MGMT: variants seen among roughly 807,000 people sequenced by gnomAD.
MGMT encodes the protein O-6-methylguanine-DNA methyltransferase.
MGMT carries 14 observed loss-of-function variants against 15.9 expected under a neutral mutation model. The ratio of observed to expected loss-of-function variants is 0.88; its 90% confidence interval spans 0.58 to 1.37. MGMT has a LOEUF of 1.37. Ranked by LOEUF, MGMT falls within the 40% of genes most tolerant of loss-of-function variation. MGMT has a pLI of 0.00. For synonymous variants in MGMT, 130 were observed against 118.2 expected (o/e 1.10, Z -0.65); for missense variants, 282 against 268.1 (o/e 1.05, Z -0.36).
rs545041782 is a variant in MGMT at position 129,470,914 on chromosome 10, C to A, written c.-13+3618C>A. Among the ~76,000 whole-genome samples, 3 of 152,268 alleles carry A rather than the reference C, an allele frequency of 2.0e-5. No homozygotes were observed. The South Asian group carries it at 6.2e-4, about 32-fold the overall frequency. ...GTTAAATTAGTCATAGTGTGTGTAA[C>A]CATGAAAGGAATGGTGAGAGTGCAA... is the stretch of plus-strand genomic sequence containing the variant. On this transcript the variant is annotated intron_variant, in intron 1 of 4. Coordinates refer to ENST00000651593, the MANE Select transcript of MGMT (RefSeq NM_002412.5).
chr10:129,642,227 G>C lies in MGMT; in HGVS notation c.126-65668G>C, dbSNP rs532102340. 2.5e-4 allele frequency among the ~76,000 whole-genome samples: 38 copies of C among 152,258 alleles called. No individual in the cohort carries two copies. In the South Asian group the frequency reaches 2.7e-3, roughly 11 times the overall value. ...CCCGCACCTGGGCGGGCGGGCGGGC[G>C]TAGGGGGCATAAATGGCTTATCCCT... On this transcript the variant is annotated intron_variant, in intron 2 of 4. Transcript: ENST00000651593.
chr10:129,501,639 CTG>C (rs1845575571), intron 1 of MGMT, among the ~76,000 whole-genome samples: 1 of 152,308 alleles, frequency 6.6e-6, no homozygotes, highest in East Asian at 1.9e-4. Flanking sequence ...AGATAAGCAA[CTG>C]TGGGTTTTCT....
At chr10:129,513,624 A>G (rs533721871) in intron 1 of MGMT, among the ~76,000 whole-genome samples, 46 of 152,268 alleles carry the variant, frequency 3.0e-4, no homozygotes, top group African/African-American at 1.1e-3. Flanking sequence ...GGGACCACCA[A>G]GGCAGTTCTT....
intron 2 of MGMT, among the ~76,000 whole-genome samples, chr10:129,541,137 T>A (rs577400003): frequency 6.6e-6 from 1 of 152,354 alleles, no homozygotes; most frequent in African/African-American, 2.4e-5. Flanking sequence ...TGATTCCCGC[T>A]CCCCAGGTGA....
chr10:129,478,919 A>G (rs1342021690), intron 1 of MGMT, among the ~76,000 whole-genome samples: 1 of 99,462 alleles, frequency 1.0e-5, no homozygotes, highest in East Asian at 3.7e-4. Flanking sequence ...CCATAGTGAG[A>G]ATCTCTAAGA....
intron 1 of MGMT, among the ~76,000 whole-genome samples, chr10:129,518,372 AC>A (rs113628843): frequency 1.4e-5 from 2 of 143,236 alleles, no homozygotes; most frequent in African/African-American, 5.3e-5. Flanking sequence ...ACACACACAC[AC>A]ATTTGGCCCT....
At chr10:129,716,240 T>C (rs1469418912) in intron 3 of MGMT, among the ~76,000 whole-genome samples, 1 of 152,202 alleles carries the variant, frequency 6.6e-6, no homozygotes, top group African/African-American at 2.4e-5. Context: ...GGTTAGGTAT[T>C]GGTAACGCCC....
intron 1 of MGMT, among the ~76,000 whole-genome samples, chr10:129,519,102 G>A (rs1218880850): frequency 6.6e-6 from 1 of 152,158 alleles, no homozygotes; most frequent in Non-Finnish European, 1.5e-5. Context: ...TATAAATTAT[G>A]TTTTATCTGT....
At chr10:129,683,184 A>T (rs1468987449) in intron 2 of MGMT, among the ~76,000 whole-genome samples, 1 of 152,216 alleles carries the variant, frequency 6.6e-6, no homozygotes, top group Non-Finnish European at 1.5e-5. Context: ...TGGACAAGAG[A>T]GCAGGGAATG....
In MGMT at chr10:129,742,025, G is replaced by A. The variant is rs192992299; in HGVS notation, c.275-17177G>A. On this transcript the variant is annotated intron_variant, in intron 3 of 4. Transcript: ENST00000651593. Reference sequence around the variant, plus strand: ...GAGGGGCTCTGGGGAGACTTTGGGGGAAGGATAATGATTGGGGAAGTAGAA... The same window carrying A: ...GAGGGGCTCTGGGGAGACTTTGGGGAAAGGATAATGATTGGGGAAGTAGAA... Among the ~76,000 whole-genome samples the A allele has an allele frequency of 8.5e-5, 13 of 152,328 alleles. No individual in the cohort carries two copies. In the East Asian group the frequency reaches 1.7e-3, roughly 20 times the overall value.
At chr10:129,512,000 C>T (rs1845689299) in intron 1 of MGMT, among the ~76,000 whole-genome samples, 1 of 152,222 alleles carries the variant, frequency 6.6e-6, no homozygotes, top group Non-Finnish European at 1.5e-5. Flanking sequence ...TTTAAAGCCG[C>T]CTAGCTCAGG....
At chr10:129,628,546 C>G (rs530105304) in intron 2 of MGMT, among the ~76,000 whole-genome samples, 5 of 152,154 alleles carry the variant, frequency 3.3e-5, no homozygotes, top group Non-Finnish European at 1.5e-5. Flanking sequence ...TCCGTGCTCA[C>G]CTTTCTGGAA....
At chr10:129,523,500 G>A (rs1845835591) in intron 1 of MGMT, among the ~76,000 whole-genome samples, 1 of 152,204 alleles carries the variant, frequency 6.6e-6, no homozygotes, top group African/African-American at 2.4e-5. Flanking sequence ...TCGGGCCTGG[G>A]GTCAGCTTGA....
At chr10:129,759,065 A>G in intron 3 of MGMT, 137 bp from the exon 4 acceptor site, 2 of 1,100,908 alleles carry the variant, frequency 1.8e-6, no homozygotes, top group South Asian at 1.5e-5. Context: ...GCAGCAGTGC[A>G]TGGAGGCCGT....
intron 3 of MGMT, among the ~76,000 whole-genome samples, chr10:129,729,648 G>C (rs537934502): frequency 1.3e-5 from 2 of 152,330 alleles, no homozygotes; most frequent in East Asian, 1.9e-4. Context: ...AAGCTTGCCA[G>C]TTTCCTTTTG....
At chr10:129,709,348 C>T (rs1032225626) in intron 3 of MGMT, among the ~76,000 whole-genome samples, 1 of 152,230 alleles carries the variant, frequency 6.6e-6, no homozygotes, top group African/African-American at 2.4e-5. Context: ...TGTGGGGGAC[C>T]TTGCTCACTG....
chr10:129,672,837 C>G (rs370683350), intron 2 of MGMT, among the ~76,000 whole-genome samples: 28 of 152,212 alleles, frequency 1.8e-4, no homozygotes, highest in African/African-American at 6.5e-4. Context: ...TGTCTTATCT[C>G]CTCATGGGTC....
intron 2 of MGMT, among the ~76,000 whole-genome samples, chr10:129,557,891 A>C (rs938417829): frequency 1.3e-5 from 2 of 152,230 alleles, no homozygotes; most frequent in African/African-American, 4.8e-5. Context: ...GGGTCTACAA[A>C]TGTAAGATTG....
intron 2 of MGMT, among the ~76,000 whole-genome samples, chr10:129,544,323 GGC>G (rs1436259291): frequency 9.9e-5 from 15 of 152,200 alleles, no homozygotes; most frequent in Admixed American, 9.8e-4. Flanking sequence ...AGCCAGCATC[GGC>G]GTCTGTTCAG....
Sources: gnomAD v4.1 joint callset for allele counts (sites outside exome capture counted in the v4.1 genomes callset) on GRCh38, gnomAD v4.1.1 for gene constraint, MANE v1.5 for transcripts, NCBI Gene and HGNC (gene_info 2026-07-23, HGNC 2026-07-21) for gene names.